Variants in LRRC28 observed in about 807,000 individuals in gnomAD.
The protein encoded by LRRC28 is leucine rich repeat containing 28, also known as leucine-rich repeat-containing protein 28.
A neutral mutation model predicts 45.7 loss-of-function variants in LRRC28; 39 were observed. That is an observed-to-expected ratio of 0.85 (90% CI 0.66 to 1.12). The LOEUF (loss-of-function observed/expected upper bound fraction) is 1.12. Among genes scored for constraint, LRRC28 ranks in the 50% most tolerant of loss-of-function variants. The pLI, the probability that LRRC28 is intolerant of heterozygous loss-of-function variation, is 0.00. For missense variants in LRRC28, 435 were observed against 438.5 expected (o/e 0.99, Z 0.07); for synonymous variants, 206 against 178.8 (o/e 1.15, Z -1.22).
rs1958144291 is a variant in LRRC28 at position 99,390,208 on chromosome 15, C to T, written c.*4106C>T. On this transcript the variant is annotated 3_prime_UTR_variant, in exon 10 of 10. Coordinates refer to ENST00000301981, the MANE Select transcript of LRRC28 (RefSeq NM_144598.5). Reference sequence around the variant, plus strand: ...ATAGATCTGAAAGTGATGCCGGTGTCTCTAGGAAAGGAATTGATCATAGCC... The same window carrying T: ...ATAGATCTGAAAGTGATGCCGGTGTTTCTAGGAAAGGAATTGATCATAGCC... 6.6e-6 allele frequency: 1 copy of T among 152,238 alleles called. No individual in the cohort carries two copies. The highest frequency in any genetic ancestry group is 6.5e-5 in the Admixed American group (1 of 15,284). The allele number at this position is 152,238 out of a possible 1,614,324, so 9.4% of individuals were successfully genotyped here.
intron 9 of LRRC28, among the ~76,000 whole-genome samples, chr15:99,371,486 C>T (rs1331506641): frequency 6.6e-6 from 1 of 152,170 alleles, no homozygotes; most frequent in Non-Finnish European, 1.5e-5. Flanking sequence ...CTAATACTCC[C>T]TTCTCCCACT....
chr15:99,365,986 C>T (rs1416393581), intron 9 of LRRC28, among the ~76,000 whole-genome samples: 1 of 152,120 alleles, frequency 6.6e-6, no homozygotes, highest in Non-Finnish European at 1.5e-5. Flanking sequence ...AAGATTATTT[C>T]TTAATAAAAT....
intron 5 of LRRC28, among the ~76,000 whole-genome samples, chr15:99,328,324 C>G (rs910084497): frequency 2.0e-5 from 3 of 152,130 alleles, no homozygotes; most frequent in African/African-American, 7.2e-5. Context: ...ATATAAAATT[C>G]TAAAAGTCAC....
chr15:99,336,421 A>G (rs561009798), intron 6 of LRRC28, among the ~76,000 whole-genome samples: 32 of 152,286 alleles, frequency 2.1e-4, no homozygotes, highest in African/African-American at 7.7e-4. Flanking sequence ...TATTTCAGAC[A>G]TGGTCTCTCT....
intron 3 of LRRC28, among the ~76,000 whole-genome samples, chr15:99,281,783 G>C (rs941317860): frequency 2.0e-5 from 3 of 152,130 alleles, no homozygotes; most frequent in African/African-American, 7.2e-5. Context: ...TAGGTGGTTA[G>C]GTTAGCCCTA....
chr15:99,380,830 ATTCTT>A (rs1477659239), intron 9 of LRRC28, among the ~76,000 whole-genome samples: 2 of 152,202 alleles, frequency 1.3e-5, no homozygotes, highest in Admixed American at 1.3e-4. Flanking sequence ...TAGATTGAAA[ATTCTT>A]TTCTTTAAGA....
At chr15:99,271,471 G>A (rs1308023287) in intron 2 of LRRC28, among the ~76,000 whole-genome samples, 5 of 152,124 alleles carry the variant, frequency 3.3e-5, no homozygotes, top group Admixed American at 3.3e-4. Context: ...TAGACATGGG[G>A]TTTCACCATG....
intron 5 of LRRC28, among the ~76,000 whole-genome samples, chr15:99,288,322 T>TACA: frequency 6.6e-6 from 1 of 150,832 alleles, no homozygotes; most frequent in Non-Finnish European, 1.5e-5. Context: ...GTCAAATGCA[T>TACA]ACAATGTTTT....
Position 99,287,820 on chromosome 15 carries a change from G to A in LRRC28, c.254G>A (p.Gly85Glu). ...NNIVVVPEAI[G>E]SLVKLQCLDL... The stretch of plus-strand genomic sequence containing the variant: ...TCTCCTTTTCTCTTTGAAGCCATTG[G>A]GTCTCTTGTAAAACTCCAATGTCTG... The change falls in exon 5 of 10, where the codon GGG becomes GAG. Residue 85 changes from glycine to glutamate, a missense_variant. Transcript: ENST00000301981. The A allele has an allele frequency of 6.2e-7, 1 of 1,601,742 alleles. No homozygotes were observed. The highest frequency in any genetic ancestry group is 8.5e-7 in the Non-Finnish European group (1 of 1,173,242).
intron 9 of LRRC28, among the ~76,000 whole-genome samples, chr15:99,382,540 G>C (rs1957860663): frequency 6.6e-6 from 1 of 152,124 alleles, no homozygotes; most frequent in African/African-American, 2.4e-5. Flanking sequence ...AAAATATTTA[G>C]GAATTTTCCA....
At chr15:99,338,775 A>G (rs1956409657) in intron 6 of LRRC28, among the ~76,000 whole-genome samples, 1 of 152,218 alleles carries the variant, frequency 6.6e-6, no homozygotes, top group Non-Finnish European at 1.5e-5. Flanking sequence ...GACTTAAATC[A>G]CTTATAATAC....
chr15:99,267,933 T>TAA (rs1440156280), intron 2 of LRRC28, among the ~76,000 whole-genome samples: 2 of 152,194 alleles, frequency 1.3e-5, no homozygotes, highest in Non-Finnish European at 2.9e-5. Flanking sequence ...TAACTCTATT[T>TAA]ATGGAGTCAT....
chr15:99,387,255 T>G lies in LRRC28; in HGVS notation c.*1153T>G, dbSNP rs960332441. The G allele has an allele frequency of 6.6e-6, 1 of 150,500 alleles. No homozygotes were observed. The highest frequency in any genetic ancestry group is 1.5e-5 in the Non-Finnish European group (1 of 67,714). The allele number at this position is 150,500 out of a possible 1,614,324, so 9.3% of individuals were successfully genotyped here. A position where few individuals can be genotyped will look rare whatever the true frequency, so the allele number is the denominator to read the frequency against. On this transcript the variant is annotated 3_prime_UTR_variant, in exon 10 of 10. Transcript: ENST00000301981. Reference sequence around the variant, plus strand: ...TTTTGTATTTTTAGTAGAGACGGGGTTTCACCGTGTTAGCCGGGATGGTCT... The same window carrying G: ...TTTTGTATTTTTAGTAGAGACGGGGGTTCACCGTGTTAGCCGGGATGGTCT...
At chr15:99,349,514 T>A (rs1180968684) in intron 6 of LRRC28, among the ~76,000 whole-genome samples, 1 of 152,204 alleles carries the variant, frequency 6.6e-6, no homozygotes, top group Non-Finnish European at 1.5e-5. Flanking sequence ...CTGCTTAAAC[T>A]TGGATGTCAC....
chr15:99,305,549 C>T (rs986917080), intron 5 of LRRC28, among the ~76,000 whole-genome samples: 3 of 152,078 alleles, frequency 2.0e-5, no homozygotes, highest in Non-Finnish European at 4.4e-5. Context: ...TCTGATATCG[C>T]TAAAACTAAA....
In LRRC28 at chr15:99,352,432, T is replaced by C; in HGVS notation, c.656T>C (p.Leu219Ser). The C allele has an allele frequency of 4.3e-6, 7 of 1,614,076 alleles. No individual in the cohort carries two copies. The highest frequency in any genetic ancestry group is 1.3e-5 in the African/African-American group (1 of 75,050). Residue 219 changes from leucine (L) to serine (S), a missense_variant, in exon 7 of 10, where the codon TTG becomes TCG. Coordinates refer to ENST00000301981, the MANE Select transcript of LRRC28 (RefSeq NM_144598.5). Reference sequence around the variant, plus strand: ...GATAACAACATTCACCTGAAAGGCTTGCCATCTTATCTGTACAATAAAGTC... The same window carrying C: ...GATAACAACATTCACCTGAAAGGCTCGCCATCTTATCTGTACAATAAAGTC... ...YVDNNIHLKG[L>S]PSYLYNKVIG...
chr15:99,335,673 A>T (rs1374291547), intron 6 of LRRC28, among the ~76,000 whole-genome samples: 1 of 151,314 alleles, frequency 6.6e-6, no homozygotes, highest in Non-Finnish European at 1.5e-5. Context: ...GTCTCTAAAA[A>T]TTTTTTTTTA....
chr15:99,305,099 C>T (rs978415029), intron 5 of LRRC28, among the ~76,000 whole-genome samples: 3 of 152,064 alleles, frequency 2.0e-5, no homozygotes, highest in Non-Finnish European at 2.9e-5. Context: ...TTTTGGCACA[C>T]GTCAGATCAG....
chr15:99,296,023 G>A (rs1373222840), intron 5 of LRRC28, among the ~76,000 whole-genome samples: 1 of 152,204 alleles, frequency 6.6e-6, no homozygotes. Flanking sequence ...GTGAAGAGGA[G>A]TGGATCAGCC....
Sources: gnomAD v4.1 joint callset for allele counts (sites outside exome capture counted in the v4.1 genomes callset) on GRCh38, gnomAD v4.1.1 for gene constraint, MANE v1.5 for transcripts, NCBI Gene and HGNC (gene_info 2026-07-23, HGNC 2026-07-21) for gene names.